Variants in NRG1 observed in about 807,000 individuals in gnomAD.
NRG1 encodes pro-neuregulin-1, membrane-bound isoform.
In NRG1, 18 loss-of-function variants were observed where a neutral mutation model predicts 63.8. That is an observed-to-expected ratio of 0.28 (90% CI 0.19 to 0.42). The LOEUF is 0.42. NRG1 is among the 10% of genes least tolerant of loss of function. The pLI, the probability that NRG1 is intolerant of heterozygous loss-of-function variation, is 1.00. For synonymous variants in NRG1, 302 were observed against 301.3 expected, an observed-to-expected ratio of 1.00 and a Z score of -0.02; for missense variants, 762 against 814.7, an observed-to-expected ratio of 0.94 and a Z score of 0.79.
chr8:32,068,455 C>G (rs1409345150), intron 1 of NRG1, among the ~76,000 whole-genome samples: 1 of 152,132 alleles, frequency 6.6e-6, no homozygotes, highest in Non-Finnish European at 1.5e-5. Flanking sequence ...ATGGATCCAA[C>G]AAAGACATGC....
At chr8:31,852,933 T>A (rs993590236) in intron 1 of NRG1, among the ~76,000 whole-genome samples, 4 of 152,048 alleles carry the variant, frequency 2.6e-5, no homozygotes, top group African/African-American at 9.7e-5. Flanking sequence ...ATATGTGGCG[T>A]TATTTCTGAG....
At chr8:31,717,464 C>A (rs1355476064) in intron 1 of NRG1, among the ~76,000 whole-genome samples, 5 of 150,422 alleles carry the variant, frequency 3.3e-5, no homozygotes, top group Non-Finnish European at 5.9e-5. Flanking sequence ...AACATGGGGG[C>A]CTGGGTGAGA....
At chr8:32,111,708 A>G (rs2131454528) in intron 1 of NRG1, among the ~76,000 whole-genome samples, 1 of 152,314 alleles carries the variant, frequency 6.6e-6, no homozygotes, top group East Asian at 1.9e-4. Context: ...AGGGTTTGTC[A>G]AGTGAATATC....
intron 1 of NRG1, among the ~76,000 whole-genome samples, chr8:32,297,862 C>A (rs753381547): frequency 3.3e-5 from 5 of 152,166 alleles, no homozygotes; most frequent in Admixed American, 6.5e-5. Context: ...TAGTAATAAT[C>A]ATATAACATT....
In NRG1 at chr8:32,039,295, A is replaced by G. The variant is rs141554483; in HGVS notation, c.37+399864A>G. On this transcript the variant is annotated intron_variant, in intron 1 of 10. Transcript: ENST00000519301. ...GCTTAATCTTTCCTTCCTCTTGTCT[A>G]TGTTAGCCTGCGATTGTTATTCTAG... is the stretch of plus-strand genomic sequence containing the variant. Among the ~76,000 whole-genome samples the G allele has an allele frequency of 4.5e-4, 68 of 152,300 alleles. 1 individual carries two copies. Among genetic ancestry groups the G allele is most frequent in the Admixed American group, 9.2e-4 (14 of 15,294 alleles).
intron 1 of NRG1, among the ~76,000 whole-genome samples, chr8:31,888,100 A>G (rs904068045): frequency 2.0e-5 from 3 of 151,874 alleles, no homozygotes; most frequent in African/African-American, 7.3e-5. Flanking sequence ...ATGTGTTGAT[A>G]TATTACATAT....
Position 32,224,007 on chromosome 8 carries a change from G to A in NRG1, c.38-371821G>A, listed in dbSNP as rs566368565. 1.4e-4 allele frequency among the ~76,000 whole-genome samples: 22 copies of A among 152,222 alleles called. No individual in the cohort carries two copies. The South Asian group carries it at 2.5e-3, about 17-fold the overall frequency. The stretch of plus-strand genomic sequence containing the variant: ...TCTCTGCCCAGCTTTGTTTATAACC[G>A]GCAGTAGGTCCTTCCGTTCATGTAA... On this transcript the variant is annotated intron_variant, in intron 1 of 10. Transcript: ENST00000519301.
intron 1 of NRG1, among the ~76,000 whole-genome samples, chr8:32,450,395 A>G (rs1347980245): frequency 1.3e-5 from 2 of 151,980 alleles, no homozygotes; most frequent in Non-Finnish European, 2.9e-5. Context: ...TGCCTGGGTG[A>G]CACAGTGAGA....
chr8:32,013,946 T>C (rs1445118219), intron 1 of NRG1, among the ~76,000 whole-genome samples: 1 of 152,126 alleles, frequency 6.6e-6, no homozygotes, highest in African/African-American at 2.4e-5. Flanking sequence ...CAACTCAAAA[T>C]AGGAAAAATT....
chr8:32,498,664 T>G (rs1827506392), intron 1 of NRG1, among the ~76,000 whole-genome samples: 1 of 152,138 alleles, frequency 6.6e-6, no homozygotes. Context: ...AAGATGAGAT[T>G]TGGGTGGGGA....
intron 1 of NRG1, among the ~76,000 whole-genome samples, chr8:32,084,040 A>G (rs1586982704): frequency 6.6e-6 from 1 of 152,162 alleles, no homozygotes; most frequent in South Asian, 2.1e-4. Context: ...TCCTAATATC[A>G]TTTAATACAT....
At position 32,039,798 on chromosome 8, in the gene NRG1, C is replaced by T. The variant is rs142974125; in HGVS notation, c.37+400367C>T. 3.3e-5 allele frequency among the ~76,000 whole-genome samples: 5 copies of T among 151,810 alleles called. No homozygotes were observed. The East Asian group carries it at 5.8e-4, about 18-fold the overall frequency. Reference sequence around the variant, plus strand: ...CTTTTGGAAGCCAAGGCAGGACGATCGCTTGAGACCAGGAGTTCGAGACCA... The same window carrying T: ...CTTTTGGAAGCCAAGGCAGGACGATTGCTTGAGACCAGGAGTTCGAGACCA... On this transcript the variant is annotated intron_variant, in intron 1 of 10. Coordinates refer to the NRG1 transcript ENST00000519301.
chr8:32,145,292 G>A (rs2131773281), intron 1 of NRG1, among the ~76,000 whole-genome samples: 1 of 152,102 alleles, frequency 6.6e-6, no homozygotes, highest in Middle Eastern at 3.4e-3. Flanking sequence ...AAGCAATTGA[G>A]TATTTAGGTG....
chr8:32,748,982 A>C (rs999451585), intron 7 of NRG1: 2 of 198,424 alleles, frequency 1.0e-5, no homozygotes, highest in Non-Finnish European at 2.1e-5. Flanking sequence ...CTAAGAAAAT[A>C]ATTAGATAAC....
intron 3 of NRG1, among the ~76,000 whole-genome samples, chr8:32,609,555 CTT>C (rs1491392862): frequency 0.2 from 4,025 of 19,658 alleles, 308 homozygotes; most frequent in African/African-American, 0.39. Context: ...TCCCTCCCTC[CTT>C]CCTTCCTTCC....
chr8:32,162,718 A>T (rs1425938496), intron 1 of NRG1, among the ~76,000 whole-genome samples: 2 of 152,156 alleles, frequency 1.3e-5, no homozygotes, highest in Non-Finnish European at 2.9e-5. Flanking sequence ...TGAAAATTGG[A>T]GAGTGGGTTA....
In NRG1 at chr8:31,919,927, A is replaced by G. The variant is rs188940191; in HGVS notation, c.37+280496A>G. On this transcript the variant is annotated intron_variant, in intron 1 of 10. Transcript: ENST00000519301. ...TGAAATTGAGAATGTTTGTGTGGAT[A>G]TGTATTTTATATAAGATACTTATAA... 7.7e-4 allele frequency among the ~76,000 whole-genome samples: 118 copies of G among 152,264 alleles called. 1 individual carries two copies. Among genetic ancestry groups the G allele is most frequent in the African/African-American group, 2.6e-3 (108 of 41,570 alleles).
chr8:31,682,695 A>G (rs1337606990), intron 1 of NRG1, among the ~76,000 whole-genome samples: 2 of 152,128 alleles, frequency 1.3e-5, no homozygotes, highest in African/African-American at 2.4e-5. Flanking sequence ...AATACTGTCC[A>G]GCTATGGAAG....
chr8:32,119,786 G>A (rs1012486058), intron 1 of NRG1, among the ~76,000 whole-genome samples: 9 of 151,942 alleles, frequency 5.9e-5, no homozygotes, highest in Non-Finnish European at 1.0e-4. Context: ...TTTTGTGGAG[G>A]AGAACTACCC....
Sources: allele counts gnomAD v4.1 joint callset (sites outside exome capture counted in the v4.1 genomes callset), GRCh38; gene constraint gnomAD v4.1.1; transcripts MANE v1.5; gene names NCBI Gene and HGNC (gene_info 2026-07-23, HGNC 2026-07-21).